The following KCNMB2 variants were observed in gnomAD, a reference collection of about 807,000 sequenced individuals.
KCNMB2 encodes potassium calcium-activated channel subfamily M regulatory beta subunit 2, also known as calcium-activated potassium channel subunit beta-2.
Under a neutral mutation model 24.5 loss-of-function variants are expected in KCNMB2, and 9 were observed. The observed-to-expected ratio is 0.37, with a 90% CI of 0.22 to 0.64. The LOEUF (loss-of-function observed/expected upper bound fraction) is 0.64. Ranked by LOEUF, KCNMB2 falls within the 30% of genes least tolerant of loss-of-function variation. The pLI is 0.63. For missense variants in KCNMB2, 226 were observed against 284.3 expected, an observed-to-expected ratio of 0.79 and a Z score of 1.47; for synonymous variants, 109 against 104.4, an observed-to-expected ratio of 1.04 and a Z score of -0.27.
intron 1 of KCNMB2, among the ~76,000 whole-genome samples, chr3:178,623,891 A>G (rs2108529640): frequency 6.6e-6 from 1 of 152,312 alleles, no homozygotes; most frequent in South Asian, 2.1e-4. Context: ...GGCAAGCCTC[A>G]GGTATAATCT....
chr3:178,723,118 T>G (rs747664751), intron 1 of KCNMB2, among the ~76,000 whole-genome samples: 3 of 152,214 alleles, frequency 2.0e-5, no homozygotes, highest in Non-Finnish European at 4.4e-5. Context: ...TATAGCATTA[T>G]AGTAATCTTA....
chr3:178,602,006 G>A (rs1718098280), intron 1 of KCNMB2, among the ~76,000 whole-genome samples: 1 of 152,144 alleles, frequency 6.6e-6, no homozygotes, highest in Non-Finnish European at 1.5e-5. Flanking sequence ...ATTAATAACA[G>A]GCTTCTGCAT....
At chr3:178,583,705 A>C (rs1717300616) in intron 1 of KCNMB2, among the ~76,000 whole-genome samples, 3 of 152,220 alleles carry the variant, frequency 2.0e-5, no homozygotes, top group Admixed American at 1.3e-4. Flanking sequence ...TTATTTCTAA[A>C]AGTGGGAATA....
intron 2 of KCNMB2, among the ~76,000 whole-genome samples, chr3:178,814,942 T>C (rs1482015058): frequency 6.6e-6 from 1 of 152,196 alleles, no homozygotes; most frequent in African/African-American, 2.4e-5. Context: ...CTGTTAATTA[T>C]TTATTTTGCT....
intron 1 of KCNMB2, among the ~76,000 whole-genome samples, chr3:178,637,780 T>G (rs527360814): frequency 5.1e-4 from 77 of 152,322 alleles, no homozygotes; most frequent in African/African-American, 1.8e-3. Context: ...CATATGGTAG[T>G]TATTTTCTGT....
intron 1 of KCNMB2, among the ~76,000 whole-genome samples, chr3:178,549,926 ATTTT>A (rs201830065): frequency 6.6e-6 from 1 of 151,148 alleles, no homozygotes; most frequent in Admixed American, 6.6e-5. Flanking sequence ...AAGTATGCAT[ATTTT>A]TTTTTCTCTT....
At chr3:178,753,751 T>C (rs1349113735) in intron 1 of KCNMB2, among the ~76,000 whole-genome samples, 1 of 152,182 alleles carries the variant, frequency 6.6e-6, no homozygotes, top group Non-Finnish European at 1.5e-5. Context: ...AAAATCAAGC[T>C]AATTAACATA....
chr3:178,765,792 C>T (rs74374577), intron 1 of KCNMB2, among the ~76,000 whole-genome samples: 14,531 of 152,218 alleles, frequency 0.095, 796 homozygotes, highest in Middle Eastern at 0.17. Flanking sequence ...TTAAAAATTG[C>T]TATCCTAGAC....
chr3:178,828,748 G>T (rs1350588553), intron 4 of KCNMB2, among the ~76,000 whole-genome samples: 1 of 152,184 alleles, frequency 6.6e-6, no homozygotes, highest in East Asian at 1.9e-4. Flanking sequence ...GGTGTATTCT[G>T]TTTGTCCATG....
chr3:178,696,285 A>T (rs997619320), intron 1 of KCNMB2, among the ~76,000 whole-genome samples: 2 of 152,176 alleles, frequency 1.3e-5, no homozygotes, highest in African/African-American at 4.8e-5. Context: ...GGGAACTACA[A>T]TTCAAGATGA....
intron 1 of KCNMB2, among the ~76,000 whole-genome samples, chr3:178,549,515 T>C (rs544564300): frequency 7.3e-6 from 1 of 137,100 alleles, no homozygotes; most frequent in Admixed American, 8.1e-5. Context: ...TTAGTAGAGA[T>C]GAGGTTTCAC....
chr3:178,595,059 C>CAAAAA lies in KCNMB2; in HGVS notation c.-68+58360_-68+58364dup, dbSNP rs57471892. 6.0e-4 allele frequency among the ~76,000 whole-genome samples: 74 copies of CAAAAA among 123,736 alleles called. 1 individual carries two copies. The highest frequency in any genetic ancestry group is 2.1e-3 in the African/African-American group (72 of 34,362). The allele number at this position is 123,736 out of a possible 152,430, so 81.2% of individuals were successfully genotyped here. A position where few individuals can be genotyped will look rare whatever the true frequency, so the allele number is the denominator to read the frequency against. On this transcript the variant is annotated intron_variant, in intron 1 of 4. Coordinates refer to ENST00000452583, the MANE Select transcript of KCNMB2 (RefSeq NM_181361.3). ...GCCTTAGTGGCATATACAGTATTTGCAAAAAAAAAAAAAAAATCAATACAT... is the reference window on the plus strand; with the variant it reads ...GCCTTAGTGGCATATACAGTATTTGCAAAAAAAAAAAAAAAAAAAAATCAATACAT...
chr3:178,756,613 T>C (rs1724051705), intron 1 of KCNMB2, among the ~76,000 whole-genome samples: 1 of 152,156 alleles, frequency 6.6e-6, no homozygotes, highest in South Asian at 2.1e-4. Flanking sequence ...AGAACAATGT[T>C]GTCCATTATG....
At chr3:178,750,223 A>G (rs1283110827) in intron 1 of KCNMB2, among the ~76,000 whole-genome samples, 1 of 152,012 alleles carries the variant, frequency 6.6e-6, no homozygotes, top group Non-Finnish European at 1.5e-5. Context: ...TTGGCAAAAA[A>G]AAAAAATTAG....
At chr3:178,778,482 A>G (rs1712687835) in intron 1 of KCNMB2, among the ~76,000 whole-genome samples, 1 of 85,380 alleles carries the variant, frequency 1.2e-5, no homozygotes, top group Non-Finnish European at 2.7e-5. Flanking sequence ...ACACACACAC[A>G]CACACACACA....
rs972911938 is a variant in KCNMB2, at chr3:178,559,356, A to G, written c.-68+22645A>G. On this transcript the variant is annotated intron_variant, in intron 1 of 4. Transcript: ENST00000452583. ...TCACAAGTCTCAGATTTCAACTTTA[A>G]TATAATACATTGGAATCATGATTTT... Among the ~76,000 whole-genome samples the G allele has an allele frequency of 5.3e-5, 8 of 152,128 alleles. No homozygotes were observed. In the East Asian group the frequency reaches 1.5e-3, roughly 29 times the overall value.
chr3:178,798,111 T>C (rs1290620058), intron 1 of KCNMB2, among the ~76,000 whole-genome samples: 1 of 152,182 alleles, frequency 6.6e-6, no homozygotes, highest in Non-Finnish European at 1.5e-5. Flanking sequence ...TCTCTTTCTG[T>C]TTGAATACGG....
intron 1 of KCNMB2, among the ~76,000 whole-genome samples, chr3:178,654,523 G>A (rs891776633): frequency 6.6e-5 from 10 of 152,056 alleles, no homozygotes; most frequent in African/African-American, 2.4e-4. Flanking sequence ...TGGCAAAAAT[G>A]AATGAGATCG....
rs1715423117 is a variant in KCNMB2, at chr3:178,536,723, A to T, written c.-68+12A>T. On this transcript the variant is annotated intron_variant, in intron 1 of 4. Coordinates refer to ENST00000452583, the MANE Select transcript of KCNMB2 (RefSeq NM_181361.3). ...GACAACTACCGGAGGTAGGATTTGCATGTAAAACAAAGGAATCTGTTGCTG... is the reference window on the plus strand; with the variant it reads ...GACAACTACCGGAGGTAGGATTTGCTTGTAAAACAAAGGAATCTGTTGCTG... The T allele has an allele frequency of 6.6e-6, 1 of 152,378 alleles. No homozygotes were observed. The highest frequency in any genetic ancestry group is 2.4e-5 in the African/African-American group (1 of 41,456). The allele number at this position is 152,378 out of a possible 1,614,324, so 9.4% of individuals were successfully genotyped here.
Sources: gnomAD v4.1 joint callset for allele counts (sites outside exome capture counted in the v4.1 genomes callset) on GRCh38, gnomAD v4.1.1 for gene constraint, MANE v1.5 for transcripts, NCBI Gene and HGNC (gene_info 2026-07-23, HGNC 2026-07-21) for gene names.